GRHL1: variants seen among roughly 807,000 people sequenced by gnomAD.
The protein encoded by GRHL1 is grainyhead-like protein 1 homolog.
GRHL1 carries 38 observed loss-of-function variants against 75.7 expected under a neutral mutation model. That is an observed-to-expected ratio of 0.50 (90% CI 0.39 to 0.66). GRHL1 has a LOEUF of 0.66. Among genes scored for constraint, GRHL1 ranks in the 30% least tolerant of loss-of-function variants. The probability of loss-of-function intolerance (pLI) is 0.00; values close to 1 mark genes in which losing one functional copy is unlikely to be tolerated. For synonymous variants in GRHL1, 266 were observed against 279.4 expected, an observed-to-expected ratio of 0.95 and a Z score of 0.48; for missense variants, 589 against 767.5, an observed-to-expected ratio of 0.77 and a Z score of 2.75.
In GRHL1 at chr2:9,970,571, G is replaced by A. The variant is rs574099750; in HGVS notation, c.1110+5190G>A. 3.9e-5 allele frequency among the ~76,000 whole-genome samples: 6 copies of A among 152,290 alleles called. No homozygotes were observed. In the South Asian group the frequency reaches 1.2e-3, roughly 32 times the overall value. ...TCTTGATGGCGTGATCTTATCTCTG[G>A]GTGTGCCAGAGCCAATTTCAACATA... is the stretch of plus-strand genomic sequence containing the variant. On this transcript the variant is annotated intron_variant, in intron 8 of 15. Transcript: ENST00000324907.
At chr2:9,962,830 C>T (rs913298939) in intron 5 of GRHL1, among the ~76,000 whole-genome samples, 1 of 151,658 alleles carries the variant, frequency 6.6e-6, no homozygotes, top group African/African-American at 2.4e-5. Context: ...AATTAGGTCT[C>T]TGAGGTCCTT....
At chr2:9,977,711 C>T (rs145419847) in intron 8 of GRHL1, among the ~76,000 whole-genome samples, 136 of 152,286 alleles carry the variant, frequency 8.9e-4, no homozygotes, top group African/African-American at 3.2e-3. Context: ...AGGAGTTAAA[C>T]AGAGGTGAAT....
At chr2:9,973,954 C>T (rs965915015) in intron 8 of GRHL1, among the ~76,000 whole-genome samples, 35 of 152,150 alleles carry the variant, frequency 2.3e-4, no homozygotes, top group African/African-American at 7.2e-4. Flanking sequence ...CTATTTGGTT[C>T]GAAATGTAGA....
intron 8 of GRHL1, among the ~76,000 whole-genome samples, chr2:9,977,791 T>G (rs1161561740): frequency 6.6e-6 from 1 of 152,188 alleles, no homozygotes; most frequent in Non-Finnish European, 1.5e-5. Context: ...AATGAGAGTA[T>G]AGAGAAGTGG....
At chr2:9,999,429 TCCGTGTGTCGAGCCCGTTGGAG>T (rs1247311801) in intron 15 of GRHL1, among the ~76,000 whole-genome samples, 1 of 152,238 alleles carries the variant, frequency 6.6e-6, no homozygotes, top group Non-Finnish European at 1.5e-5. Context: ...GGGCAGCACC[TCCGTGTGTCGAGCCCGTTGGAG>T]CCGGGCACTG....
At chr2:9,996,501 G>C (rs1668867279) in intron 14 of GRHL1, 100 bp downstream of exon 14, 2 of 857,472 alleles carry the variant, frequency 2.3e-6, no homozygotes, top group South Asian at 1.4e-5. Context: ...TCCTTTGTCA[G>C]ACCTTCTGGA....
intron 8 of GRHL1, among the ~76,000 whole-genome samples, chr2:9,978,397 G>A (rs183388067): frequency 2.6e-5 from 4 of 152,324 alleles, no homozygotes; most frequent in East Asian, 1.9e-4. Flanking sequence ...GTCAGTAGAC[G>A]ATGGAGGAAA....
chr2:9,984,929 G>C (rs922049695), intron 8 of GRHL1, among the ~76,000 whole-genome samples: 1 of 151,814 alleles, frequency 6.6e-6, no homozygotes, highest in Admixed American at 6.6e-5. Context: ...TTACCTGGGC[G>C]TGGTGGCGCA....
Position 9,951,774 on chromosome 2 carries a change from G to T in GRHL1, c.-60G>T. The T allele has an allele frequency of 6.8e-7, 1 of 1,477,626 alleles. No individual in the cohort carries two copies. The highest frequency in any genetic ancestry group is 9.1e-7 in the Non-Finnish European group (1 of 1,104,808). The allele number at this position is 1,477,626 out of a possible 1,614,324, so 91.5% of individuals were successfully genotyped here. On this transcript the variant is annotated 5_prime_UTR_variant, in exon 1 of 16. Transcript: ENST00000324907. This position sits in a 1 kb window ranked among gnomAD's most constrained non-coding sequence, Gnocchi z 4.2. ...CGCCGCCGCCTCCTCCCCCCGGATCGGGTGTACTGTCCCAACCCGAAAGTC... is the reference window on the plus strand; with the variant it reads ...CGCCGCCGCCTCCTCCCCCCGGATCTGGTGTACTGTCCCAACCCGAAAGTC...
intron 8 of GRHL1, among the ~76,000 whole-genome samples, chr2:9,970,783 G>A (rs987564704): frequency 2.6e-5 from 4 of 152,178 alleles, no homozygotes; most frequent in African/African-American, 9.7e-5. Flanking sequence ...GCTATAAGAA[G>A]GAACTCCGAG....
rs759743206 is a variant in GRHL1 at position 9,968,121 on chromosome 2, A to G, written c.1110+2740A>G. Among the ~76,000 whole-genome samples the G allele has an allele frequency of 6.6e-6, 1 of 152,180 alleles. No individual in the cohort carries two copies. The highest frequency in any genetic ancestry group is 1.5e-5 in the Non-Finnish European group (1 of 68,036). On this transcript the variant is annotated intron_variant, in intron 8 of 15. Transcript: ENST00000324907. This position sits in a 1 kb window ranked among gnomAD's most constrained non-coding sequence, Gnocchi z 4.7. ...GTAGCTTCTGCTTCTCCGTTTGGAA[A>G]TGATGATAGTTTGAGGATGTTTTGG...
At chr2:9,960,505 G>C (rs1410022900) in intron 3 of GRHL1, 1 of 152,022 alleles carries the variant, frequency 6.6e-6, no homozygotes, top group African/African-American at 2.4e-5. Flanking sequence ...AGGAAAAGTG[G>C]TGACCAAGTA....
intron 1 of GRHL1, 48 bp from the exon 2 acceptor site, chr2:9,954,867 T>A: frequency 7.0e-7 from 1 of 1,426,152 alleles, no homozygotes; most frequent in African/African-American, 1.4e-5. Flanking sequence ...TATGATACCT[T>A]GCAGTAGAAA....
chr2:9,966,876 A>G (rs1483280002), intron 8 of GRHL1, among the ~76,000 whole-genome samples: 1 of 152,196 alleles, frequency 6.6e-6, no homozygotes, highest in Non-Finnish European at 1.5e-5. Context: ...CACCTCAGTC[A>G]CATACAATTG....
chr2:9,972,922 T>G (rs1373604443), intron 8 of GRHL1, among the ~76,000 whole-genome samples: 1 of 149,702 alleles, frequency 6.7e-6, no homozygotes, highest in East Asian at 2.1e-4. Context: ...CCTGGCTCCC[T>G]GCACTCCACA....
At chr2:9,974,894 C>G (rs767012345) in intron 8 of GRHL1, among the ~76,000 whole-genome samples, 6 of 152,176 alleles carry the variant, frequency 3.9e-5, no homozygotes, top group Non-Finnish European at 7.3e-5. Flanking sequence ...GTATTCTGGT[C>G]CATATTGTAA....
At chr2:9,981,960 A>G (rs547401839) in intron 8 of GRHL1, among the ~76,000 whole-genome samples, 1 of 152,364 alleles carries the variant, frequency 6.6e-6, no homozygotes, top group South Asian at 2.1e-4. Context: ...GAAATCAAAC[A>G]TAACATGAGT....
rs1425405179 is a variant in GRHL1, at chr2:9,968,842, C to T, written c.1110+3461C>T. 2.6e-5 allele frequency among the ~76,000 whole-genome samples: 4 copies of T among 152,124 alleles called. No homozygotes were observed. Among genetic ancestry groups the T allele is most frequent in the Admixed American group, 2.0e-4 (3 of 15,270 alleles). On this transcript the variant is annotated intron_variant, in intron 8 of 15. Transcript: ENST00000324907. The surrounding 1 kb of genome is among the most constrained non-coding windows in gnomAD (Gnocchi z 4.7). ...ATCCGAGAGCCTGCTGTGGACAAGG[C>T]GTGGGCTGGATCTAGGCTCCTGCCA...
intron 3 of GRHL1, 181 bp from the exon 4 acceptor site, chr2:9,960,865 A>C: frequency 3.7e-6 from 2 of 545,920 alleles, no homozygotes; most frequent in Non-Finnish European, 6.4e-6. Context: ...TTTGGATTTT[A>C]TTTGACCGAT....
Sources: allele counts gnomAD v4.1 joint callset (sites outside exome capture counted in the v4.1 genomes callset), GRCh38; gene constraint gnomAD v4.1.1; non-coding constraint Gnocchi (gnomAD v3.1); transcripts MANE v1.5; gene names NCBI Gene and HGNC (gene_info 2026-07-23, HGNC 2026-07-21).